NCOA2: variants seen among roughly 807,000 people sequenced by gnomAD.
The protein encoded by NCOA2 is class E basic helix-loop-helix protein 75.
In NCOA2, 21 loss-of-function variants were observed where a neutral mutation model predicts 145.1. The observed-to-expected ratio is 0.14, with a 90% confidence interval of 0.10 to 0.21. The LOEUF (loss-of-function observed/expected upper bound fraction) is 0.21, where lower values mean the gene tolerates loss of function less well. NCOA2 is among the 10% of genes least tolerant of loss of function. The pLI is 1.00. For missense variants in NCOA2, 1,472 were observed against 1,837.6 expected, an observed-to-expected ratio of 0.80 and a Z score of 3.64; for synonymous variants, 619 against 637.5, an observed-to-expected ratio of 0.97 and a Z score of 0.44.
At chr8:70,331,619 T>G (rs1807110344) in intron 1 of NCOA2, among the ~76,000 whole-genome samples, 1 of 152,150 alleles carries the variant, frequency 6.6e-6, no homozygotes, top group Non-Finnish European at 1.5e-5. Context: ...TCTACATTTT[T>G]TTTCTGGCAT....
chr8:70,403,602 C>CA (rs1399295525), intron 1 of NCOA2, 98 bp downstream of exon 1: 1 of 324,328 alleles, frequency 3.1e-6, no homozygotes, highest in African/African-American at 2.4e-5. Context: ...GAGCTCGGCG[C>CA]AGGAAGGGCA....
At chr8:70,424,285 G>C in the NCOA2 span, 1 of 375,060 alleles carries the variant, frequency 2.7e-6, no homozygotes, top group Non-Finnish European at 5.1e-6. Context: ...CAGATCATTC[G>C]CCAGGACCTG....
intron 1 of NCOA2, among the ~76,000 whole-genome samples, chr8:70,380,445 C>A (rs1340718547): frequency 6.6e-6 from 1 of 152,120 alleles, no homozygotes; most frequent in African/African-American, 2.4e-5. Flanking sequence ...ACACAAATAA[C>A]AAGACTCATG....
Position 70,111,632 on chromosome 8 carries a change from T to C in NCOA2, c.*2000A>G. ...GTGGAAAAAAGTAGCGAAATGCAAA[T>C]TTCCAGAAAGGTTCTTTAGTATGGA... On this transcript the variant is annotated 3_prime_UTR_variant, in exon 23 of 23. Transcript: ENST00000452400. 1 of 216,580 alleles carries C rather than the reference T, an allele frequency of 4.6e-6. No individual in the cohort carries two copies. The highest frequency in any genetic ancestry group is 9.3e-6 in the Non-Finnish European group (1 of 107,576). The allele number at this position is 216,580 out of a possible 1,614,324, so 13.4% of individuals were successfully genotyped here.
upstream of NCOA2, among the ~76,000 whole-genome samples, chr8:70,406,603 G>T (rs1028093042): frequency 6.6e-6 from 1 of 152,124 alleles, no homozygotes; most frequent in African/African-American, 2.4e-5. Context: ...AATGGATGAG[G>T]CAAGGAAACA....
At chr8:70,405,447 T>G (rs1219429237), upstream of NCOA2, among the ~76,000 whole-genome samples, 1 of 127,564 alleles carries the variant, frequency 7.8e-6, no homozygotes, top group African/African-American at 3.0e-5. Context: ...GTTTTTTTTT[T>G]TTTTTTTTTT....
At position 70,270,626 on chromosome 8, in the gene NCOA2, T is replaced by C. The variant is rs553884620; in HGVS notation, c.-20+26118A>G. On this transcript the variant is annotated intron_variant, in intron 2 of 22. Coordinates refer to ENST00000452400, the MANE Select transcript of NCOA2 (RefSeq NM_006540.4). ...CACTATAATCCCATTATTTGTTATA[T>C]AAATGTATTGTTTTCTTTAAAAGTA... Among the ~76,000 whole-genome samples the C allele has an allele frequency of 7.5e-5, 11 of 147,424 alleles. No individual in the cohort carries two copies. The South Asian group carries it at 9.0e-4, about 12-fold the overall frequency.
intron 19 of NCOA2, among the ~76,000 whole-genome samples, chr8:70,125,579 T>C (rs1379745183): frequency 3.3e-5 from 5 of 152,176 alleles, no homozygotes; most frequent in African/African-American, 1.2e-4. Flanking sequence ...TAAATTTAAA[T>C]TGGATTAAAG....
chr8:70,440,263 C>T, the NCOA2 span, among the ~76,000 whole-genome samples: 4 of 151,230 alleles, frequency 2.6e-5, no homozygotes, highest in African/African-American at 4.9e-5. Flanking sequence ...GGCAACAGAG[C>T]GAGACTCCGT....
At chr8:70,265,812 T>TTTTTTG (rs1554612471) in intron 2 of NCOA2, among the ~76,000 whole-genome samples, 1 of 151,136 alleles carries the variant, frequency 6.6e-6, no homozygotes, top group African/African-American at 2.5e-5. Context: ...ACTTCAGTTT[T>TTTTTTG]TTGTTGTTGT....
At chr8:70,373,072 ACATT>A in intron 1 of NCOA2, among the ~76,000 whole-genome samples, 1 of 152,208 alleles carries the variant, frequency 6.6e-6, no homozygotes, top group Non-Finnish European at 1.5e-5. Context: ...GCTACTAGGA[ACATT>A]CATGTAAAAA....
rs959344433 is a variant in NCOA2, at chr8:70,166,809, G to C, written c.542-55C>G. ...CAAAGAAACAAACATCAGATTCATT[G>C]CCTCTGAATTATTAAAATGATGTAG... On this transcript the variant is annotated intron_variant, in intron 6 of 22. Transcript: ENST00000452400. 3.4e-6 allele frequency: 5 copies of C among 1,463,936 alleles called. No homozygotes were observed. In the African/African-American group the frequency reaches 7.1e-5, roughly 21 times the overall value. 90.7% of individuals were successfully genotyped at this position (1,463,936 alleles called of 1,614,324 possible). A position where few individuals can be genotyped will look rare whatever the true frequency, so the allele number is the denominator to read the frequency against.
rs751465555 is a variant in NCOA2, at chr8:70,342,097, T to TAC, written c.-76-45299_-76-45298dup. 1.8e-4 allele frequency among the ~76,000 whole-genome samples: 28 copies of TAC among 152,320 alleles called. 1 individual carries two copies. The South Asian group carries it at 5.6e-3, about 30-fold the overall frequency. On this transcript the variant is annotated intron_variant, in intron 1 of 22. Transcript: ENST00000452400. ...CTACAGAACTCGATAATATACCTAA[T>TAC]ACTTCCATGAGCTGATATTACATGC...
chr8:70,155,880 C>G (rs2132211476), intron 11 of NCOA2, 91 bp downstream of exon 11: 3 of 1,004,102 alleles, frequency 3.0e-6, no homozygotes, highest in South Asian at 1.9e-5. Context: ...TTATTTTTAT[C>G]CAATCACCTG....
intron 4 of NCOA2, among the ~76,000 whole-genome samples, chr8:70,185,848 A>AT (rs1045024397): frequency 2.6e-5 from 4 of 152,084 alleles, no homozygotes; most frequent in East Asian, 1.9e-4. Flanking sequence ...AGTCTCAAGT[A>AT]TTTTTTTGGC....
chr8:70,214,143 TAAAC>T, intron 3 of NCOA2, 68 bp from the exon 4 acceptor site: 1 of 1,423,988 alleles, frequency 7.0e-7, no homozygotes, highest in Non-Finnish European at 9.6e-7. Context: ...ATGAACGTGT[TAAAC>T]AAGTTTAATA....
At chr8:70,279,671 G>A (rs1286131989) in intron 2 of NCOA2, among the ~76,000 whole-genome samples, 2 of 152,216 alleles carry the variant, frequency 1.3e-5, no homozygotes, top group Non-Finnish European at 2.9e-5. Flanking sequence ...CCCCTGGCAA[G>A]ATTGGCTCAG....
At chr8:70,424,491 G>C in the NCOA2 span, 1 of 525,420 alleles carries the variant, frequency 1.9e-6, no homozygotes, top group African/African-American at 1.9e-5. Context: ...TGGCAGTGAT[G>C]GCAAAGGCTA....
At chr8:70,441,537 GAA>G in the NCOA2 span, among the ~76,000 whole-genome samples, 1 of 144,262 alleles carries the variant, frequency 6.9e-6, no homozygotes, top group Admixed American at 7.0e-5. Context: ...AGAAAGGAAA[GAA>G]AGAGAGAGAA....
Sources: allele counts gnomAD v4.1 joint callset (sites outside exome capture counted in the v4.1 genomes callset), GRCh38; gene constraint gnomAD v4.1.1; transcripts MANE v1.5; gene names NCBI Gene and HGNC (gene_info 2026-07-23, HGNC 2026-07-21).